The following PDZD8 variants were observed in gnomAD, a reference collection of about 807,000 sequenced individuals.
PDZD8 encodes the protein PDZ domain-containing protein 8.
A neutral mutation model predicts 85.8 loss-of-function variants in PDZD8; 14 were observed. That is an observed-to-expected ratio of 0.16 (90% confidence interval 0.11 to 0.26). PDZD8 has a LOEUF of 0.26. Among genes scored for constraint, PDZD8 ranks in the 10% least tolerant of loss-of-function variants. PDZD8 has a pLI of 1.00. For synonymous variants in PDZD8, 592 were observed against 568.6 expected (o/e 1.04, Z -0.59); for missense variants, 1,197 against 1,424.3 (o/e 0.84, Z 2.57).
intron 3 of PDZD8, among the ~76,000 whole-genome samples, chr10:117,307,347 A>C (rs896495279): frequency 6.6e-6 from 1 of 152,028 alleles, no homozygotes; most frequent in Non-Finnish European, 1.5e-5. Flanking sequence ...TCTGCAAACA[A>C]ATGAGTGTAT....
chr10:117,329,994 AAGGAAGGG>A (rs1844390086), intron 2 of PDZD8, among the ~76,000 whole-genome samples: 8 of 34,490 alleles, frequency 2.3e-4, no homozygotes, highest in African/African-American at 6.3e-4. Context: ...GGAAGGAAGG[AAGGAAGGG>A]AGGGAGGGAG....
At chr10:117,307,435 C>T (rs1843962962) in intron 3 of PDZD8, among the ~76,000 whole-genome samples, 3 of 151,988 alleles carry the variant, frequency 2.0e-5, no homozygotes, top group Non-Finnish European at 4.4e-5. Flanking sequence ...TGACAACACT[C>T]TCAGTATTGA....
chr10:117,334,217 C>A (rs1844477444), intron 2 of PDZD8, among the ~76,000 whole-genome samples: 1 of 152,210 alleles, frequency 6.6e-6, no homozygotes, highest in Non-Finnish European at 1.5e-5. Flanking sequence ...GGGCACAGGG[C>A]TTCATGCCTG....
At chr10:117,344,428 C>G (rs538740138) in intron 1 of PDZD8, among the ~76,000 whole-genome samples, 1 of 152,252 alleles carries the variant, frequency 6.6e-6, no homozygotes, top group South Asian at 2.1e-4. Context: ...CAATTTGTCG[C>G]CCAGGCTGGA....
At chr10:117,372,053 CCAG>C (rs1845203029) in intron 1 of PDZD8, among the ~76,000 whole-genome samples, 1 of 152,140 alleles carries the variant, frequency 6.6e-6, no homozygotes, top group Non-Finnish European at 1.5e-5. Context: ...TACTGAAATC[CCAG>C]CATCTACAAC....
chr10:117,284,040 ATTCGCCTATCAG>A lies in PDZD8; in HGVS notation c.2681_2692del (p.Thr894_Arg897del). The A allele has an allele frequency of 6.2e-7, 1 of 1,614,164 alleles. No homozygotes were observed. Among genetic ancestry groups the A allele is most frequent in the Non-Finnish European group, 8.5e-7 (1 of 1,180,026 alleles). On this transcript the variant is annotated inframe_deletion, in exon 5 of 5. Coordinates refer to ENST00000334464, the MANE Select transcript of PDZD8 (RefSeq NM_173791.5). ...CCTAAGGTTTTTCAGTGTCCTGTCTATTCGCCTATCAGTTGCTCCACAAACAGAAGTCTCAGC... is the reference window on the plus strand; with the variant it reads ...CCTAAGGTTTTTCAGTGTCCTGTCTATTGCTCCACAAACAGAAGTCTCAGC...
chr10:117,277,430 C>G lies in PDZD8; in HGVS notation c.*5838G>C. Reference sequence around the variant, plus strand: ...ATGGTTATGGTCGATTGCCAACAGCCTTATAAAGAAAAAGAAGCTTTTCTA... The same window carrying G: ...ATGGTTATGGTCGATTGCCAACAGCGTTATAAAGAAAAAGAAGCTTTTCTA... On this transcript the variant is annotated 3_prime_UTR_variant, in exon 5 of 5. Coordinates refer to ENST00000334464, the MANE Select transcript of PDZD8 (RefSeq NM_173791.5). The G allele has an allele frequency of 2.4e-6, 1 of 425,254 alleles. No individual in the cohort carries two copies. The highest frequency in any genetic ancestry group is 3.6e-5 in the East Asian group (1 of 27,516). 26.3% of individuals were successfully genotyped at this position (425,254 alleles called of 1,614,324 possible).
At chr10:117,349,774 G>A (rs1172364352) in intron 1 of PDZD8, among the ~76,000 whole-genome samples, 1 of 152,066 alleles carries the variant, frequency 6.6e-6, no homozygotes, top group African/African-American at 2.4e-5. Flanking sequence ...CCGCACTTCA[G>A]CCTGGGTGAC....
intron 4 of PDZD8, 118 bp downstream of exon 4, chr10:117,290,068 T>C: frequency 1.2e-6 from 1 of 829,284 alleles, no homozygotes; most frequent in Non-Finnish European, 1.8e-6. Flanking sequence ...TTTATTTCCA[T>C]TATAAAAGTG....
intron 2 of PDZD8, among the ~76,000 whole-genome samples, chr10:117,319,581 A>G (rs777754209): frequency 1.3e-5 from 2 of 152,176 alleles, no homozygotes; most frequent in Non-Finnish European, 2.9e-5. Context: ...CATTTAGCAT[A>G]GTGCCTAGCA....
Position 117,283,865 on chromosome 10 carries a change from A to G in PDZD8, c.2868T>C (p.Leu956=). Residue 956 remains leucine (L), a synonymous_variant, in exon 5 of 5, where the codon CTT becomes CTC. Transcript: ENST00000334464. ...CTACGAGATCGGTTCCTGGTTCAGA[A>G]AGGCGAGTTTTAGAGACTTGACGCA... ...LNLRQVSKTR[L]SEPGTDLVEP... is the part of the protein sequence containing the mutation. 1 of 1,614,196 alleles carries G rather than the reference A, an allele frequency of 6.2e-7. No homozygotes were observed. The highest frequency in any genetic ancestry group is 8.5e-7 in the Non-Finnish European group (1 of 1,180,034).
At chr10:117,300,658 T>A (rs12244521) in intron 3 of PDZD8, among the ~76,000 whole-genome samples, 2,752 of 152,296 alleles carry the variant, frequency 0.018, 96 homozygotes, top group African/African-American at 0.064. Flanking sequence ...TACCAATTTA[T>A]ATGTTGAAAT....
At chr10:117,286,629 C>A (rs1185025698) in intron 4 of PDZD8, among the ~76,000 whole-genome samples, 1 of 152,184 alleles carries the variant, frequency 6.6e-6, no homozygotes, top group Non-Finnish European at 1.5e-5. Flanking sequence ...CTATTTTTCA[C>A]CTCTTACAAT....
At position 117,278,474 on chromosome 10, in the gene PDZD8, G is replaced by A. The variant is rs897394265; in HGVS notation, c.*4794C>T. On this transcript the variant is annotated 3_prime_UTR_variant, in exon 5 of 5. Coordinates refer to ENST00000334464, the MANE Select transcript of PDZD8 (RefSeq NM_173791.5). ...TTTTTCTAAGCATGACAACATTGAT[G>A]TGCCTTTTCAGTGTAACAGCAAATA... 4.6e-5 allele frequency: 7 copies of A among 152,192 alleles called. No homozygotes were observed. Among genetic ancestry groups the A allele is most frequent in the Non-Finnish European group, 7.3e-5 (5 of 68,030 alleles). 9.4% of individuals were successfully genotyped at this position (152,192 alleles called of 1,614,324 possible).
intron 2 of PDZD8, among the ~76,000 whole-genome samples, chr10:117,319,990 A>G (rs1463208425): frequency 2.6e-5 from 4 of 152,150 alleles, no homozygotes; most frequent in African/African-American, 9.6e-5. Context: ...AAAGACCTCA[A>G]GCAAATCATG....
intron 1 of PDZD8, among the ~76,000 whole-genome samples, chr10:117,366,858 CAT>C (rs1564714899): frequency 6.6e-6 from 1 of 152,212 alleles, no homozygotes; most frequent in Non-Finnish European, 1.5e-5. Context: ...ACCTCTCCCA[CAT>C]AGGAGTTTTA....
At chr10:117,366,713 G>T (rs999883430) in intron 1 of PDZD8, among the ~76,000 whole-genome samples, 7 of 152,286 alleles carry the variant, frequency 4.6e-5, no homozygotes, top group Non-Finnish European at 1.0e-4. Flanking sequence ...CCCTGATTTA[G>T]AGTAACAGTT....
chr10:117,302,468 G>A (rs1843862922), intron 3 of PDZD8, among the ~76,000 whole-genome samples: 1 of 152,114 alleles, frequency 6.6e-6, no homozygotes, highest in Non-Finnish European at 1.5e-5. Flanking sequence ...AACTCCCACA[G>A]AACTTTTCAA....
At chr10:117,357,547 C>T (rs1844916724) in intron 1 of PDZD8, among the ~76,000 whole-genome samples, 1 of 151,878 alleles carries the variant, frequency 6.6e-6, no homozygotes, top group Non-Finnish European at 1.5e-5. Context: ...GGGCAGATCA[C>T]TTGAGGTCAG....
Sources: gnomAD v4.1 joint callset for allele counts (sites outside exome capture counted in the v4.1 genomes callset) on GRCh38, gnomAD v4.1.1 for gene constraint, MANE v1.5 for transcripts, NCBI Gene and HGNC (gene_info 2026-07-23, HGNC 2026-07-21) for gene names.